Variants in AXDND1 observed in about 807,000 individuals in gnomAD.
The protein encoded by AXDND1 is axonemal dynein light chain domain-containing protein 1.
Under a neutral mutation model 137.5 loss-of-function variants are expected in AXDND1, and 110 were observed. That is an observed-to-expected ratio of 0.80 (90% CI 0.69 to 0.94). The LOEUF (loss-of-function observed/expected upper bound fraction) is 0.94, where lower values mean the gene tolerates loss of function less well. Ranked by LOEUF, AXDND1 falls within the 40% of genes least tolerant of loss-of-function variation. AXDND1 has a pLI of 0.00. For synonymous variants in AXDND1, 414 were observed against 399.7 expected, an observed-to-expected ratio of 1.04 and a Z score of -0.43; for missense variants, 1,191 against 1,169.8, an observed-to-expected ratio of 1.02 and a Z score of -0.26.
chr1:179,481,304 G>A (rs1183546148), intron 17 of AXDND1, among the ~76,000 whole-genome samples: 3 of 150,606 alleles, frequency 2.0e-5, no homozygotes, highest in Non-Finnish European at 2.9e-5. Context: ...CCCTACAAAG[G>A]ACGTGAACTC....
At chr1:179,488,634 C>CTTCTTTCTTTCTTT (rs376189496) in intron 18 of AXDND1, among the ~76,000 whole-genome samples, 1 of 105,172 alleles carries the variant, frequency 9.5e-6, no homozygotes, top group African/African-American at 3.9e-5. Context: ...CTCTCTCTCT[C>CTTCTTTCTTTCTTT]CTTTCTTTCT....
At position 179,411,136 on chromosome 1, in the gene AXDND1, G is replaced by A; in HGVS notation, c.1110-10G>A. On this transcript the variant is annotated splice_polypyrimidine_tract_variant and intron_variant, in intron 11 of 25. Coordinates refer to ENST00000367618, the MANE Select transcript of AXDND1 (RefSeq NM_144696.6). ...AATTAAATGAAGCTGTTTCTTAATT[G>A]TTTTTATAGAATAGTAGAAGAATAT... is the stretch of plus-strand genomic sequence containing the variant. 1 of 1,533,498 alleles carries A rather than the reference G, an allele frequency of 6.5e-7. No individual in the cohort carries two copies. Among genetic ancestry groups the A allele is most frequent in the Non-Finnish European group, 8.8e-7 (1 of 1,135,854 alleles). The allele number at this position is 1,533,498 out of a possible 1,614,324, so 95.0% of individuals were successfully genotyped here.
intron 12 of AXDND1, among the ~76,000 whole-genome samples, chr1:179,416,542 A>T (rs1319981950): frequency 6.6e-6 from 1 of 152,208 alleles, no homozygotes; most frequent in Non-Finnish European, 1.5e-5. Context: ...CCAACAGCGT[A>T]CAAGTGGAGA....
At chr1:179,473,695 G>A (rs1385170016) in intron 17 of AXDND1, among the ~76,000 whole-genome samples, 1 of 152,082 alleles carries the variant, frequency 6.6e-6, no homozygotes, top group African/African-American at 2.4e-5. Flanking sequence ...CATGTCAATG[G>A]AGGAAGGTGA....
rs191541550 is a variant in AXDND1 at position 179,438,669 on chromosome 1, G to C, written c.1564-6301G>C. Reference sequence around the variant, plus strand: ...TAACAGGAATCCGTAGCCCAGGGATGCGACCTAAAAACCAAAAACCTGAAA... The same window carrying C: ...TAACAGGAATCCGTAGCCCAGGGATCCGACCTAAAAACCAAAAACCTGAAA... On this transcript the variant is annotated intron_variant, in intron 15 of 25. Transcript: ENST00000367618. Among the ~76,000 whole-genome samples the C allele has an allele frequency of 2.0e-5, 3 of 152,298 alleles. No homozygotes were observed. In the East Asian group the frequency reaches 5.8e-4, roughly 29 times the overall value.
At chr1:179,527,106 A>G (rs1472209352) in intron 22 of AXDND1, among the ~76,000 whole-genome samples, 2 of 152,220 alleles carry the variant, frequency 1.3e-5, no homozygotes, top group Non-Finnish European at 2.9e-5. Context: ...TACTCCATAG[A>G]CAGAGTAGCC....
rs1374789944 is a variant in AXDND1 at position 179,492,937 on chromosome 1, G to A, written c.2374G>A (p.Val792Met). ...AAATGCTACTGAAGACCTTTATGAG[G>A]TGGATAAGTTGAAGGTAATAACTCT... ...HKNATEDLYEVDKLKKECYEW... is the reference protein window; with the variant it reads ...HKNATEDLYEMDKLKKECYEW... The change falls in exon 20 of 26, where the codon GTG becomes ATG. Residue 792 changes from valine to methionine, a missense_variant. Physicochemically the swap from Val to Met is conservative, Grantham distance 21. Coordinates refer to ENST00000367618, the MANE Select transcript of AXDND1 (RefSeq NM_144696.6). 2 of 1,603,398 alleles carry A rather than the reference G, an allele frequency of 1.2e-6. No homozygotes were observed. Among genetic ancestry groups the A allele is most frequent in the South Asian group, 1.1e-5 (1 of 89,456 alleles).
At chr1:179,469,319 A>T (rs1296773437) in intron 17 of AXDND1, among the ~76,000 whole-genome samples, 1 of 152,150 alleles carries the variant, frequency 6.6e-6, no homozygotes, top group Non-Finnish European at 1.5e-5. Flanking sequence ...TTCAAGGTTC[A>T]TCCATGTTGT....
intron 20 of AXDND1, 29 bp downstream of exon 20, chr1:179,492,980 G>C: frequency 6.7e-7 from 1 of 1,489,820 alleles, no homozygotes; most frequent in East Asian, 2.3e-5. Flanking sequence ...CCTTAGTTTT[G>C]TTTTTGTTTT....
intron 15 of AXDND1, among the ~76,000 whole-genome samples, chr1:179,440,518 A>C (rs1658836362): frequency 6.6e-6 from 1 of 152,206 alleles, no homozygotes. Flanking sequence ...CTCCAGGGAG[A>C]CATGCTGGCA....
intron 15 of AXDND1, among the ~76,000 whole-genome samples, chr1:179,432,884 C>T (rs1164133786): frequency 6.7e-6 from 1 of 148,488 alleles, no homozygotes; most frequent in Non-Finnish European, 1.5e-5. Flanking sequence ...GCCTGGGCAA[C>T]ACAGCAAGAC....
At chr1:179,551,143 C>T (rs762246275) in intron 25 of AXDND1, 3 of 1,612,988 alleles carry the variant, frequency 1.9e-6, no homozygotes, top group South Asian at 1.1e-5. Flanking sequence ...ATGGCAGGCC[C>T]CTTTACAGTC....
intron 18 of AXDND1, among the ~76,000 whole-genome samples, chr1:179,489,878 G>A (rs1666671978): frequency 6.6e-6 from 1 of 151,616 alleles, no homozygotes; most frequent in African/African-American, 2.4e-5. Flanking sequence ...CCGAGTAGCT[G>A]GGACTATAGG....
rs551644064 is a variant in AXDND1, at chr1:179,442,278, G to A, written c.1564-2692G>A. Reference sequence around the variant, plus strand: ...TTTATTTTCAATTGGAGCTGTGGGTGGGACGACAGATTCTTTCAGATTTTT... The same window carrying A: ...TTTATTTTCAATTGGAGCTGTGGGTAGGACGACAGATTCTTTCAGATTTTT... On this transcript the variant is annotated intron_variant, in intron 15 of 25. Transcript: ENST00000367618. Among the ~76,000 whole-genome samples, 6 of 152,278 alleles carry A rather than the reference G, an allele frequency of 3.9e-5. No homozygotes were observed. The East Asian group carries it at 7.7e-4, about 20-fold the overall frequency.
intron 9 of AXDND1, among the ~76,000 whole-genome samples, chr1:179,391,622 CA>C (rs1439236348): frequency 1.3e-5 from 2 of 152,030 alleles, no homozygotes; most frequent in Admixed American, 6.6e-5. Flanking sequence ...CTGCCACCTC[CA>C]GCTCCTGGGT....
intron 16 of AXDND1, chr1:179,456,685 C>T (rs555869571): frequency 1.7e-4 from 139 of 800,280 alleles, no homozygotes; most frequent in Non-Finnish European, 2.8e-4. Context: ...AAGTTTCCTC[C>T]GTGACCAAAG....
intron 25 of AXDND1, chr1:179,545,225 C>A (rs995865392): frequency 6.6e-6 from 1 of 152,234 alleles, no homozygotes; most frequent in Non-Finnish European, 1.5e-5. Flanking sequence ...AAGATTTCTA[C>A]ACCTGCATTG....
intron 12 of AXDND1, among the ~76,000 whole-genome samples, chr1:179,427,539 C>T (rs4652381): frequency 0.23 from 34,662 of 151,864 alleles, 4,000 homozygotes; most frequent in Non-Finnish European, 0.25. Flanking sequence ...AATATCTCAA[C>T]GATTGAGAAT....
chr1:179,430,357 A>G (rs541190814), intron 13 of AXDND1, 95 bp from the exon 14 acceptor site: 2 of 909,132 alleles, frequency 2.2e-6, no homozygotes, highest in Admixed American at 2.9e-5. Flanking sequence ...GAATTTCTCT[A>G]GTATTACAAT....
Sources: allele counts gnomAD v4.1 joint callset (sites outside exome capture counted in the v4.1 genomes callset), GRCh38; gene constraint gnomAD v4.1.1; transcripts MANE v1.5; gene names NCBI Gene and HGNC (gene_info 2026-07-23, HGNC 2026-07-21).